Variants in SCAPER observed in about 807,000 individuals in gnomAD.
SCAPER encodes S-phase cyclin A associated protein in the ER.
SCAPER carries 98 observed loss-of-function variants against 182.2 expected under a neutral mutation model. That is an observed-to-expected ratio of 0.54 (90% confidence interval 0.46 to 0.64). The LOEUF (loss-of-function observed/expected upper bound fraction) is 0.64, where lower values mean the gene tolerates loss of function less well. SCAPER is among the 30% of genes least tolerant of loss of function. The probability of loss-of-function intolerance (pLI) is 0.00; values close to 1 mark genes in which losing one functional copy is unlikely to be tolerated. For missense variants in SCAPER, 1,432 were observed against 1,690.0 expected, an observed-to-expected ratio of 0.85 and a Z score of 2.68; for synonymous variants, 605 against 564.6, an observed-to-expected ratio of 1.07 and a Z score of -1.01.
intron 21 of SCAPER, among the ~76,000 whole-genome samples, chr15:76,660,766 AAAGT>A (rs1333158484): frequency 6.6e-6 from 1 of 152,120 alleles, no homozygotes; most frequent in East Asian, 1.9e-4. Flanking sequence ...TACAAATTGG[AAAGT>A]AAGAAACAAA....
chr15:76,808,243 G>A (rs542552455), intron 5 of SCAPER, among the ~76,000 whole-genome samples: 19 of 152,332 alleles, frequency 1.2e-4, no homozygotes, highest in Non-Finnish European at 2.4e-4. Context: ...GCCTGCATCC[G>A]GAAGCCAGTG....
intron 24 of SCAPER, among the ~76,000 whole-genome samples, chr15:76,501,503 C>T (rs937987083): frequency 2.0e-5 from 3 of 152,180 alleles, no homozygotes; most frequent in Non-Finnish European, 2.9e-5. Flanking sequence ...GGTTTATCCA[C>T]TAACAAAGAG....
At chr15:76,684,531 A>T (rs1037214351) in intron 20 of SCAPER, among the ~76,000 whole-genome samples, 3 of 151,744 alleles carry the variant, frequency 2.0e-5, no homozygotes, top group African/African-American at 7.2e-5. Flanking sequence ...TATTAAAAAT[A>T]AAAAAAACCT....
At chr15:76,352,976 A>G (rs1260073062) in intron 30 of SCAPER, among the ~76,000 whole-genome samples, 1 of 152,126 alleles carries the variant, frequency 6.6e-6, no homozygotes, top group Admixed American at 6.5e-5. Context: ...CTTTTCTAAC[A>G]TAATTGATCT....
chr15:76,540,410 T>G (rs1277496140), intron 23 of SCAPER, among the ~76,000 whole-genome samples: 4 of 152,056 alleles, frequency 2.6e-5, no homozygotes, highest in Admixed American at 2.6e-4. Flanking sequence ...CTAAAAAAAT[T>G]TTCTTTTAAA....
At chr15:76,387,239 A>G (rs1487064946) in intron 27 of SCAPER, among the ~76,000 whole-genome samples, 1 of 152,236 alleles carries the variant, frequency 6.6e-6, no homozygotes, top group Non-Finnish European at 1.5e-5. Context: ...TGAAGAGCGC[A>G]TGTCTCAGGA....
intron 5 of SCAPER, among the ~76,000 whole-genome samples, chr15:76,831,150 G>T (rs2068438986): frequency 6.6e-6 from 1 of 152,130 alleles, no homozygotes; most frequent in Admixed American, 6.5e-5. Flanking sequence ...GCATGGCCAT[G>T]GGCTCCCATT....
At chr15:76,441,767 C>CT (rs1268417830) in intron 25 of SCAPER, among the ~76,000 whole-genome samples, 2 of 152,126 alleles carry the variant, frequency 1.3e-5, no homozygotes, top group Non-Finnish European at 2.9e-5. Flanking sequence ...GCTTACTCAA[C>CT]TTTATTTTTC....
intron 16 of SCAPER, among the ~76,000 whole-genome samples, chr15:76,730,381 C>T (rs535802405): frequency 2.8e-4 from 43 of 152,036 alleles, no homozygotes; most frequent in Admixed American, 3.3e-4. Context: ...AGGCACACTG[C>T]AGACTGTTGG....
intron 8 of SCAPER, among the ~76,000 whole-genome samples, chr15:76,780,208 G>A (rs1210065700): frequency 6.6e-6 from 1 of 152,232 alleles, no homozygotes; most frequent in Admixed American, 6.5e-5. Context: ...TTAGCAACTG[G>A]AAGACCAGGA....
intron 20 of SCAPER, among the ~76,000 whole-genome samples, chr15:76,673,620 C>T (rs1454898435): frequency 6.6e-6 from 1 of 152,080 alleles, no homozygotes; most frequent in African/African-American, 2.4e-5. Context: ...CACACATATA[C>T]ACGTATTTCA....
Position 76,476,372 on chromosome 15 carries a change from G to A in SCAPER, c.2955-5037C>T, listed in dbSNP as rs531970267. ...TGGTATTGTTTCAGGAGTCAATCTA[G>A]AAGTCTTACAACAATTTTCTTTTTC... is the stretch of plus-strand genomic sequence containing the variant. On this transcript the variant is annotated intron_variant, in intron 24 of 31. Transcript: ENST00000563290. 7.2e-5 allele frequency among the ~76,000 whole-genome samples: 11 copies of A among 152,136 alleles called. No individual in the cohort carries two copies. In the South Asian group the frequency reaches 2.3e-3, roughly 32 times the overall value.
chr15:76,855,450 T>C (rs1041121619), intron 4 of SCAPER, among the ~76,000 whole-genome samples: 11 of 89,928 alleles, frequency 1.2e-4, no homozygotes, highest in Non-Finnish European at 1.7e-4. Context: ...TAAGAGCTTC[T>C]GCACAGCAAA....
In SCAPER at chr15:76,753,943, C is replaced by T. The variant is rs779487336; in HGVS notation, c.1731G>A (p.Lys577=). The T allele has an allele frequency of 1.2e-6, 2 of 1,612,426 alleles. No homozygotes were observed. Among genetic ancestry groups the T allele is most frequent in the Non-Finnish European group, 1.7e-6 (2 of 1,179,042 alleles). ...LKLQKLLERE[K]DVRKWKEELL... ...ATTCTTCCTTCCACTTCCGGACATC[C>T]TTCTCCTACGTATAGTGAATCATCA... The change falls in exon 15 of 32, where the codon AAG becomes AAA. Residue 577 remains lysine (K), a synonymous_variant. Coordinates refer to ENST00000563290, the MANE Select transcript of SCAPER (RefSeq NM_020843.4).
chr15:76,530,250 A>G (rs1253531413), intron 23 of SCAPER, among the ~76,000 whole-genome samples: 1 of 152,220 alleles, frequency 6.6e-6, no homozygotes, highest in African/African-American at 2.4e-5. Context: ...GGCAGAATAT[A>G]TCACAATAAA....
intron 17 of SCAPER, among the ~76,000 whole-genome samples, chr15:76,718,422 C>T (rs2060006191): frequency 6.6e-6 from 1 of 152,078 alleles, no homozygotes. Context: ...GCCACGGTGG[C>T]TCATGCCTGT....
intron 14 of SCAPER, among the ~76,000 whole-genome samples, chr15:76,762,367 C>CT (rs58117069): frequency 0.39 from 50,913 of 131,504 alleles, 11,296 homozygotes; most frequent in Middle Eastern, 0.54. Flanking sequence ...TGATTGTGGG[C>CT]TTTTTTTTTT....
chr15:76,699,352 G>C (rs868798944), intron 20 of SCAPER, among the ~76,000 whole-genome samples: 2 of 152,126 alleles, frequency 1.3e-5, no homozygotes, highest in African/African-American at 4.8e-5. Context: ...GTTCTCAAGG[G>C]GAATGCTTCT....
chr15:76,793,317 A>G, intron 8 of SCAPER: 1 of 759,094 alleles, frequency 1.3e-6, no homozygotes, highest in Non-Finnish European at 2.4e-6. Flanking sequence ...TCCCAAAATG[A>G]TGTGTCTTTT....
Sources: gnomAD v4.1 joint callset for allele counts (sites outside exome capture counted in the v4.1 genomes callset) on GRCh38, gnomAD v4.1.1 for gene constraint, MANE v1.5 for transcripts, NCBI Gene and HGNC (gene_info 2026-07-23, HGNC 2026-07-21) for gene names.